Variants in DDX50 observed in about 807,000 individuals in gnomAD.
DDX50 encodes ATP-dependent RNA helicase DDX50.
A neutral mutation model predicts 94.8 loss-of-function variants in DDX50; 56 were observed. The observed-to-expected ratio is 0.59, with a 90% CI of 0.48 to 0.74. The LOEUF (loss-of-function observed/expected upper bound fraction) is 0.74. Among genes scored for constraint, DDX50 ranks in the 30% least tolerant of loss-of-function variants. The pLI, the probability that DDX50 is intolerant of heterozygous loss-of-function variation, is 0.00. For synonymous variants in DDX50, 264 were observed against 295.4 expected (o/e 0.89, Z 1.09); for missense variants, 713 against 881.2 (o/e 0.81, Z 2.42).
intron 13 of DDX50, among the ~76,000 whole-genome samples, chr10:68,942,607 A>G (rs536183428): frequency 6.7e-6 from 1 of 150,030 alleles, no homozygotes; most frequent in East Asian, 2.1e-4. Flanking sequence ...TCTAACAAAC[A>G]TTGCAGCTTT....
At chr10:68,915,190 G>T (rs894549965) in intron 7 of DDX50, among the ~76,000 whole-genome samples, 1 of 151,916 alleles carries the variant, frequency 6.6e-6, no homozygotes, top group Non-Finnish European at 1.5e-5. Flanking sequence ...GAGGCAGGCG[G>T]ATAATGAGGT....
At position 68,933,103 on chromosome 10, in the gene DDX50, T is replaced by A. The variant is rs529041008; in HGVS notation, c.1240-1096T>A. ...TTTTTTTTGAGATGAAGCTTCACTC[T>A]TGTCCCCCAGGCTGGAGTGCAATGG... On this transcript the variant is annotated intron_variant, in intron 8 of 14. Transcript: ENST00000373585. 2.8e-4 allele frequency among the ~76,000 whole-genome samples: 42 copies of A among 148,876 alleles called. 1 individual carries two copies. The East Asian group carries it at 6.4e-3, about 23-fold the overall frequency.
intron 7 of DDX50, 88 bp downstream of exon 7, chr10:68,914,292 C>T: frequency 1.5e-6 from 2 of 1,376,824 alleles, no homozygotes; most frequent in Non-Finnish European, 2.0e-6. Context: ...GTTTTGGGTA[C>T]CTCTTCATGC....
At chr10:68,913,353 G>T in intron 5 of DDX50, 38 bp from the exon 6 acceptor site, 1 of 1,603,116 alleles carries the variant, frequency 6.2e-7, no homozygotes, top group Non-Finnish European at 8.5e-7. Flanking sequence ...GTGAAAGTTT[G>T]AATTTTACAT....
At chr10:68,906,147 A>G (rs1339358886) in intron 1 of DDX50, 4 of 152,560 alleles carry the variant, frequency 2.6e-5, no homozygotes, top group African/African-American at 9.7e-5. Context: ...ACGTTAGTTC[A>G]AGTTAAATTT....
At chr10:68,913,824 C>T (rs1841705317) in intron 6 of DDX50, among the ~76,000 whole-genome samples, 1 of 152,038 alleles carries the variant, frequency 6.6e-6, no homozygotes, top group Admixed American at 6.6e-5. Context: ...TTATTGATTT[C>T]TTTGTTCATT....
At position 68,913,146 on chromosome 10, in the gene DDX50, TAAACC is replaced by T; in HGVS notation, c.640-15_640-11del. On this transcript the variant is annotated splice_polypyrimidine_tract_variant and intron_variant, in intron 4 of 14. Coordinates refer to ENST00000373585, the MANE Select transcript of DDX50 (RefSeq NM_024045.2). ...TTTAGAAAAGTATCTTTTTGTTTTT[TAAACC>T]TCTTGCTCAGGTACTTGTTTTGGCT... 6.3e-7 allele frequency: 1 copy of T among 1,576,306 alleles called. No homozygotes were observed. The highest frequency in any genetic ancestry group is 2.1e-5 in the Admixed American group (1 of 47,540).
At chr10:68,908,793 C>T (rs1841543677) in intron 2 of DDX50, among the ~76,000 whole-genome samples, 1 of 151,918 alleles carries the variant, frequency 6.6e-6, no homozygotes, top group Admixed American at 6.6e-5. Context: ...AGGCGTGTAG[C>T]ACCATGCCTG....
At position 68,936,049 on chromosome 10, in the gene DDX50, T is replaced by C; in HGVS notation, c.1565T>C (p.Leu522Ser). The C allele has an allele frequency of 1.2e-6, 2 of 1,610,528 alleles. No individual in the cohort carries two copies. The highest frequency in any genetic ancestry group is 1.7e-6 in the Non-Finnish European group (2 of 1,178,858). The change falls in exon 11 of 15, where the codon TTA becomes TCA. Residue 522 changes from leucine to serine, a missense_variant. Physicochemically the swap from Leu to Ser is moderately radical, Grantham distance 145. Transcript: ENST00000373585. ...KRVGVPSTMDLVKSKSMDAIR... is the reference protein window; with the variant it reads ...KRVGVPSTMDSVKSKSMDAIR... ...GTAGGTGTTCCTTCTACAATGGATT[T>C]AGTTAAATCTAAAAGCATGGATGCC...
In DDX50 at chr10:68,906,952, G is replaced by T; in HGVS notation, c.329G>T (p.Arg110Leu). The T allele has an allele frequency of 1.9e-6, 3 of 1,599,376 alleles. No individual in the cohort carries two copies. The highest frequency in any genetic ancestry group is 2.3e-5 in the South Asian group (2 of 86,864). ...DIDEYEKKSK[R>L]VSSLDTSTHK... is the part of the protein sequence containing the mutation. ...GATGAATATGAAAAAAAATCAAAGC[G>T]AGTATCATCTTTAGATACTTCTACT... The change falls in exon 2 of 15, where the codon CGA becomes CTA. Residue 110 changes from arginine (R) to leucine (L), a missense_variant. Physicochemically the swap from Arg to Leu is moderately radical, Grantham distance 102. Around this residue, in one of 2 missense-constraint regions of DDX50, gnomAD observed 285 missense variants for 278.9 expected, o/e 1.02. Coordinates refer to ENST00000373585, the MANE Select transcript of DDX50 (RefSeq NM_024045.2).
chr10:68,938,505 C>G (rs1400859525), intron 12 of DDX50, among the ~76,000 whole-genome samples: 6 of 152,110 alleles, frequency 3.9e-5, no homozygotes, highest in African/African-American at 1.4e-4. Flanking sequence ...CTGGAGACAT[C>G]TATAAGACTA....
At position 68,934,172 on chromosome 10, in the gene DDX50, T is replaced by G; in HGVS notation, c.1240-27T>G. ...TCAGTTGCAAGTATGAGCTGTACAC[T>G]TAATTTTCTCCCCCTTTCTCAAATA... On this transcript the variant is annotated intron_variant, in intron 8 of 14. Coordinates refer to ENST00000373585, the MANE Select transcript of DDX50 (RefSeq NM_024045.2). The surrounding 1 kb of genome is among the most constrained non-coding windows in gnomAD (Gnocchi z 4.0). 6.2e-7 allele frequency: 1 copy of G among 1,605,902 alleles called. No homozygotes were observed. Among genetic ancestry groups the G allele is most frequent in the South Asian group, 1.1e-5 (1 of 90,468 alleles).
Position 68,906,698 on chromosome 10 carries a change from T to C in DDX50, c.88-13T>C, listed in dbSNP as rs1338609056. 6 of 1,594,672 alleles carry C rather than the reference T, an allele frequency of 3.8e-6. No individual in the cohort carries two copies. Among genetic ancestry groups the C allele is most frequent in the Non-Finnish European group, 5.1e-6 (6 of 1,175,600 alleles). On this transcript the variant is annotated splice_polypyrimidine_tract_variant and intron_variant, in intron 1 of 14. Transcript: ENST00000373585. ...TCTGACCATCTTGTCATTGCTTCTT[T>C]GTTTGTTCACAGAGTGACAGAAGGA...
At chr10:68,935,577 G>A (rs1314596624) in intron 10 of DDX50, among the ~76,000 whole-genome samples, 2 of 152,164 alleles carry the variant, frequency 1.3e-5, no homozygotes, top group African/African-American at 4.8e-5. Context: ...ACTCACGCCT[G>A]TAATCCCAGC....
At chr10:68,918,410 GT>G in intron 7 of DDX50, among the ~76,000 whole-genome samples, 1 of 139,242 alleles carries the variant, frequency 7.2e-6, no homozygotes, top group East Asian at 2.1e-4. Context: ...CCGTTAAACA[GT>G]TACTCTCCAT....
chr10:68,931,983 T>C (rs1246712504), intron 8 of DDX50, among the ~76,000 whole-genome samples: 2 of 152,184 alleles, frequency 1.3e-5, no homozygotes, highest in Admixed American at 1.3e-4. Flanking sequence ...CCTTATGATG[T>C]TAGGTCTCAG....
intron 8 of DDX50, among the ~76,000 whole-genome samples, chr10:68,929,251 C>CCCTCCCTT (rs1554836298): frequency 8.5e-6 from 1 of 118,000 alleles, no homozygotes; most frequent in South Asian, 3.4e-4. Context: ...CCAGCCTGGT[C>CCCTCCCTT]CCTTCCTTCC....
Position 68,906,757 on chromosome 10 carries a change from C to T in DDX50, c.134C>T (p.Ser45Leu), listed in dbSNP as rs771212479. Residue 45 changes from serine (S) to leucine (L), a missense_variant, in exon 2 of 15, where the codon TCA becomes TTA. Physicochemically the swap from Ser to Leu is moderately radical, Grantham distance 145. Coordinates refer to ENST00000373585, the MANE Select transcript of DDX50 (RefSeq NM_024045.2). ...CACCATTATGACTCGGATGAGAAAT[C>T]AGAAACAAGAGAAAATGGTGTTACA... The part of the protein sequence containing the change: ...SRHHYDSDEK[S>L]ETRENGVTDD... 1 of 1,612,066 alleles carries T rather than the reference C, an allele frequency of 6.2e-7. No individual in the cohort carries two copies. The highest frequency in any genetic ancestry group is 2.2e-5 in the East Asian group (1 of 44,874).
intron 4 of DDX50, chr10:68,911,526 CT>C: frequency 4.4e-6 from 1 of 226,006 alleles, no homozygotes; most frequent in Non-Finnish European, 8.5e-6. Flanking sequence ...TTAGTTGACC[CT>C]TTTCTTCTCT....
Sources: allele counts gnomAD v4.1 joint callset (sites outside exome capture counted in the v4.1 genomes callset), GRCh38; gene constraint gnomAD v4.1.1; regional missense constraint gnomAD v4.1.1; non-coding constraint Gnocchi (gnomAD v3.1); transcripts MANE v1.5; gene names NCBI Gene and HGNC (gene_info 2026-07-23, HGNC 2026-07-21).